Variants in ADAM15 observed in about 807,000 individuals in gnomAD.
ADAM15 encodes the protein disintegrin and metalloproteinase domain-containing protein 15.
ADAM15 carries 77 observed loss-of-function variants against 113.8 expected under a neutral mutation model. That is an observed-to-expected ratio of 0.68 (90% CI 0.56 to 0.82). The LOEUF is 0.82. ADAM15 is among the 40% of genes least tolerant of loss of function. The probability of loss-of-function intolerance (pLI) is 0.00; values close to 1 mark genes in which losing one functional copy is unlikely to be tolerated. For missense variants in ADAM15, 963 were observed against 1,120.1 expected (o/e 0.86, Z 2.00); for synonymous variants, 388 against 454.1 (o/e 0.85, Z 1.85).
chr1:155,061,598 G>C (rs1035833841), intron 20 of ADAM15, 109 bp downstream of exon 20: 8 of 1,230,210 alleles, frequency 6.5e-6, no homozygotes, highest in African/African-American at 1.5e-5. Context: ...TTAGGTGATC[G>C]GGGTGCCCCT....
At chr1:155,060,663 T>G in intron 18 of ADAM15, 100 bp from the exon 19 acceptor site, 1 of 1,177,500 alleles carries the variant, frequency 8.5e-7, no homozygotes, top group Non-Finnish European at 1.2e-6. Context: ...AAACCACACA[T>G]AAGTGCCTGC....
intron 16 of ADAM15, among the ~76,000 whole-genome samples, chr1:155,059,080 T>C (rs1046381394): frequency 6.6e-6 from 1 of 152,126 alleles, no homozygotes; most frequent in Non-Finnish European, 1.5e-5. Flanking sequence ...TTGTTTGTTT[T>C]GTTTTGAGAC....
chr1:155,061,334 G>A (rs1031598290), intron 19 of ADAM15, 81 bp from the exon 20 acceptor site: 21 of 1,083,450 alleles, frequency 1.9e-5, no homozygotes, highest in Non-Finnish European at 2.9e-5. Flanking sequence ...GCCCCCCCTG[G>A]GCACTGACCC....
rs1661929470 is a variant in ADAM15, at chr1:155,057,491, CTG to C, written c.1323+132_1323+133del. The C allele has an allele frequency of 6.7e-7, 1 of 1,487,426 alleles. No individual in the cohort carries two copies. Among genetic ancestry groups the C allele is most frequent in the African/African-American group, 1.4e-5 (1 of 72,470 alleles). The allele number at this position is 1,487,426 out of a possible 1,614,324, so 92.1% of individuals were successfully genotyped here. A position where few individuals can be genotyped will look rare whatever the true frequency, so the allele number is the denominator to read the frequency against. On this transcript the variant is annotated intron_variant, in intron 12 of 22. Transcript: ENST00000356955. The surrounding 1 kb of genome is among the most constrained non-coding windows in gnomAD (Gnocchi z 5.0). ...TCCACCCCTCTCCTACTTGCCCTGT[CTG>C]TGGGGACAGCACATGGGTTGTTGGG...
intron 6 of ADAM15, chr1:155,055,510 G>C (rs903436357): frequency 3.7e-4 from 160 of 436,722 alleles, no homozygotes; most frequent in Admixed American, 2.8e-4. Flanking sequence ...ACAGGCGTGA[G>C]CCACCGCACC....
Position 155,057,898 on chromosome 1 carries a change from C to CT in ADAM15, c.1466dup (p.Leu489PhefsTer3). ...GTCGTCCTACCAGAGGGGATTGTGA[C>CT]TTGCCTGAATTCTGCCCAGGAGACA... On this transcript the variant is annotated frameshift_variant, in exon 14 of 23. Coordinates refer to ENST00000356955, the MANE Select transcript of ADAM15 (RefSeq NM_207197.3). LOFTEE classifies it high-confidence loss of function. This position sits in a 1 kb window ranked among gnomAD's most constrained non-coding sequence, Gnocchi z 5.0. The CT allele has an allele frequency of 6.2e-7, 1 of 1,613,122 alleles. No homozygotes were observed. The highest frequency in any genetic ancestry group is 8.5e-7 in the Non-Finnish European group (1 of 1,180,024).
At position 155,057,331 on chromosome 1, in the gene ADAM15, C is replaced by T. The variant is rs369359727; in HGVS notation, c.1292C>T (p.Pro431Leu). The T allele has an allele frequency of 3.5e-5, 56 of 1,614,166 alleles. No individual in the cohort carries two copies. In the African/African-American group the frequency reaches 3.6e-4, roughly 10 times the overall value. Residue 431 changes from proline to leucine, a missense_variant, in exon 12 of 23, where the codon CCG (proline) becomes CTG (leucine). Pro to Leu is a moderately conservative substitution (Grantham distance 98, BLOSUM62 -3). Coordinates refer to ENST00000356955, the MANE Select transcript of ADAM15 (RefSeq NM_207197.3). This position sits in a 1 kb window ranked among gnomAD's most constrained non-coding sequence, Gnocchi z 5.0. ...AAFCGNMFVE[P>L]GEQCDCGFLD... ...TTCTGCGGAAATATGTTTGTGGAGC[C>T]GGGCGAGCAGTGTGACTGTGGCTTC...
rs780037632 is a variant in ADAM15, at chr1:155,057,171, C to T, written c.1149-17C>T. 1 of 1,604,346 alleles carries T rather than the reference C, an allele frequency of 6.2e-7. No individual in the cohort carries two copies. Among genetic ancestry groups the T allele is most frequent in the Admixed American group, 1.7e-5 (1 of 59,440 alleles). The stretch of plus-strand genomic sequence containing the variant: ...GGAGAGGCCCCCAGCCCCAACCTTC[C>T]TTGCCACCCTCCCCAGCTTCCTACC... On this transcript the variant is annotated splice_polypyrimidine_tract_variant and intron_variant, in intron 11 of 22. Coordinates refer to ENST00000356955, the MANE Select transcript of ADAM15 (RefSeq NM_207197.3). This position sits in a 1 kb window ranked among gnomAD's most constrained non-coding sequence, Gnocchi z 5.0.
intron 2 of ADAM15, among the ~76,000 whole-genome samples, chr1:155,053,017 G>C (rs975349669): frequency 8.6e-5 from 13 of 151,990 alleles, no homozygotes; most frequent in Non-Finnish European, 1.8e-4. Flanking sequence ...CATCTCCACT[G>C]GGGAAATTGT....
Position 155,062,129 on chromosome 1 carries a change from G to T in ADAM15, c.2425-116G>T. The T allele has an allele frequency of 6.9e-7, 1 of 1,454,160 alleles. No individual in the cohort carries two copies. The highest frequency in any genetic ancestry group is 1.4e-5 in the South Asian group (1 of 69,222). 90.1% of individuals were successfully genotyped at this position (1,454,160 alleles called of 1,614,324 possible). On this transcript the variant is annotated intron_variant, in intron 21 of 22. Coordinates refer to ENST00000356955, the MANE Select transcript of ADAM15 (RefSeq NM_207197.3). This position sits in a 1 kb window ranked among gnomAD's most constrained non-coding sequence, Gnocchi z 7.0. ...TTTAATGGTGACAGGTTTGTTTGCA[G>T]ACAAGGGTGACCGCTGGTGCTGCCC...
Position 155,061,825 on chromosome 1 carries a change from G to A in ADAM15, c.2353-79G>A, listed in dbSNP as rs1662666447. On this transcript the variant is annotated intron_variant, in intron 20 of 22. Coordinates refer to ENST00000356955, the MANE Select transcript of ADAM15 (RefSeq NM_207197.3). ...CCTGGCTGACTTTGCATGTTGACTT[G>A]AACCCCTCTGGGGAATCTCTGTGCA... 28 of 1,416,198 alleles carry A rather than the reference G, an allele frequency of 2.0e-5. 1 individual carries two copies. In the South Asian group the frequency reaches 4.0e-4, roughly 20 times the overall value. The allele number at this position is 1,416,198 out of a possible 1,614,324, so 87.7% of individuals were successfully genotyped here.
Position 155,061,994 on chromosome 1 carries a change from A to T in ADAM15, c.2424+19A>T. The T allele has an allele frequency of 6.4e-7, 1 of 1,561,334 alleles. No individual in the cohort carries two copies. The highest frequency in any genetic ancestry group is 8.7e-7 in the Non-Finnish European group (1 of 1,150,574). On this transcript the variant is annotated intron_variant, in intron 21 of 22. Transcript: ENST00000356955. ...CCCGAAGGTAACGGTGGGGGGAGAG[A>T]AGGGCACGGCCTCTCCCCCCACCTA...
At position 155,057,953 on chromosome 1, in the gene ADAM15, G is replaced by C; in HGVS notation, c.1519G>C (p.Gly507Arg). 1 of 1,612,620 alleles carries C rather than the reference G, an allele frequency of 6.2e-7. No individual in the cohort carries two copies. Among genetic ancestry groups the C allele is most frequent in the Non-Finnish European group, 8.5e-7 (1 of 1,180,024 alleles). The part of the protein sequence containing the change: ...SSQCPPDVSL[G>R]DGEPCAGGQA... ...CCAGTGTCCCCCTGATGTCAGCCTA[G>C]GGGATGGCGAGCCCTGCGCTGGCGG... Residue 507 changes from glycine to arginine, a missense_variant, in exon 14 of 23, where the codon GGG becomes CGG. Physicochemically the swap from Gly to Arg is moderately radical, Grantham distance 125 (BLOSUM62 -2). Coordinates refer to ENST00000356955, the MANE Select transcript of ADAM15 (RefSeq NM_207197.3). The surrounding 1 kb of genome is among the most constrained non-coding windows in gnomAD (Gnocchi z 5.0).
chr1:155,057,233 G>T lies in ADAM15; in HGVS notation c.1194G>T (p.Leu398=), dbSNP rs139438555. The change falls in exon 12 of 23, where the codon CTG becomes CTT. Residue 398 remains leucine (L), a synonymous_variant. Coordinates refer to ENST00000356955, the MANE Select transcript of ADAM15 (RefSeq NM_207197.3). This position sits in a 1 kb window ranked among gnomAD's most constrained non-coding sequence, Gnocchi z 5.0. ...TCAGCAACTGCAGCCGACGGGCCCT[G>T]GAGAAAGCCCTCCTGGATGGAATGG... ...LNFSNCSRRA[L]EKALLDGMGS... 473 of 1,614,098 alleles carry T rather than the reference G, an allele frequency of 2.9e-4. 3 individuals carry two copies. In the Middle Eastern group the frequency reaches 9.6e-3, roughly 33 times the overall value.
At position 155,058,683 on chromosome 1, in the gene ADAM15, A is replaced by G. The variant is rs753986380; in HGVS notation, c.1918-27A>G. 6.2e-6 allele frequency: 10 copies of G among 1,608,084 alleles called. No individual in the cohort carries two copies. The highest frequency in any genetic ancestry group is 8.5e-6 in the Non-Finnish European group (10 of 1,177,156). ...CCCATTAAAGCTTTGTGGGAATCTG[A>G]TCCAGGCTCTTCTCTCCCTGGGTCA... is the stretch of plus-strand genomic sequence containing the variant. On this transcript the variant is annotated intron_variant, in intron 15 of 22. Coordinates refer to ENST00000356955, the MANE Select transcript of ADAM15 (RefSeq NM_207197.3). The surrounding 1 kb of genome is among the most constrained non-coding windows in gnomAD (Gnocchi z 4.3).
Position 155,056,367 on chromosome 1 carries a change from T to A in ADAM15, c.915-19T>A, listed in dbSNP as rs1196409352. The A allele has an allele frequency of 6.2e-7, 1 of 1,613,686 alleles. No homozygotes were observed. The highest frequency in any genetic ancestry group is 1.3e-5 in the African/African-American group (1 of 74,912). ...CACCGTGGCTTCTGGCCCTGAACTT[T>A]AGCCTCTCTGTCCCACAGTGGTACT... is the stretch of plus-strand genomic sequence containing the variant. On this transcript the variant is annotated intron_variant, in intron 9 of 22. Coordinates refer to ENST00000356955, the MANE Select transcript of ADAM15 (RefSeq NM_207197.3). This position sits in a 1 kb window ranked among gnomAD's most constrained non-coding sequence, Gnocchi z 4.0.
chr1:155,062,103 C>T lies in ADAM15; in HGVS notation c.2424+128C>T. 1.4e-6 allele frequency: 2 copies of T among 1,480,376 alleles called. No individual in the cohort carries two copies. The highest frequency in any genetic ancestry group is 8.9e-7 in the Non-Finnish European group (1 of 1,118,198). The allele number at this position is 1,480,376 out of a possible 1,614,324, so 91.7% of individuals were successfully genotyped here. ...ATGAGGGCACATATCCCGGTGGTGC[C>T]TTTAATGGTGACAGGTTTGTTTGCA... On this transcript the variant is annotated intron_variant, in intron 21 of 22. Transcript: ENST00000356955. This position sits in a 1 kb window ranked among gnomAD's most constrained non-coding sequence, Gnocchi z 7.0.
At chr1:155,061,351 G>A in intron 19 of ADAM15, 64 bp from the exon 20 acceptor site, 1 of 1,432,948 alleles carries the variant, frequency 7.0e-7, no homozygotes. Flanking sequence ...ACCCTTCCCT[G>A]CCCACTCTGT....
rs746230521 is a variant in ADAM15, at chr1:155,058,492, A to C, written c.1917+51A>C. 1.3e-6 allele frequency: 2 copies of C among 1,595,630 alleles called. 1 individual carries two copies. Among genetic ancestry groups the C allele is most frequent in the African/African-American group, 2.7e-5 (2 of 74,748 alleles). ...AGGTGTGAGAAGGGACATTTGGACC[A>C]CAATGAACAGAGCCCAGACTTCACC... On this transcript the variant is annotated intron_variant, in intron 15 of 22. Coordinates refer to ENST00000356955, the MANE Select transcript of ADAM15 (RefSeq NM_207197.3). This position sits in a 1 kb window ranked among gnomAD's most constrained non-coding sequence, Gnocchi z 4.3.
Sources: allele counts gnomAD v4.1 joint callset (sites outside exome capture counted in the v4.1 genomes callset), GRCh38; gene constraint gnomAD v4.1.1; non-coding constraint Gnocchi (gnomAD v3.1); transcripts MANE v1.5; gene names NCBI Gene and HGNC (gene_info 2026-07-23, HGNC 2026-07-21).